The following CADPS2 variants were observed in gnomAD, a reference collection of about 807,000 sequenced individuals.
The protein encoded by CADPS2 is calcium-dependent secretion activator 2.
CADPS2 carries 93 observed loss-of-function variants against 172.5 expected under a neutral mutation model. The observed-to-expected ratio is 0.54, with a 90% confidence interval of 0.46 to 0.64. The LOEUF (loss-of-function observed/expected upper bound fraction) is 0.64. Among genes scored for constraint, CADPS2 ranks in the 30% least tolerant of loss-of-function variants. CADPS2 has a pLI of 0.00. For missense variants in CADPS2, 1,420 were observed against 1,565.9 expected (o/e 0.91, Z 1.57); for synonymous variants, 546 against 555.2 (o/e 0.98, Z 0.23).
intron 1 of CADPS2, among the ~76,000 whole-genome samples, chr7:122,856,891 T>C (rs979961793): frequency 6.6e-6 from 1 of 152,218 alleles, no homozygotes; most frequent in Admixed American, 6.5e-5. Flanking sequence ...TAGTACTATA[T>C]ATATCAGCTC....
intron 28 of CADPS2, among the ~76,000 whole-genome samples, chr7:122,337,387 A>C (rs185807495): frequency 5.9e-5 from 9 of 152,232 alleles, no homozygotes; most frequent in Non-Finnish European, 8.8e-5. Flanking sequence ...CCACGATCAC[A>C]TTTCAAGAAT....
chr7:122,364,467 C>T (rs920277560), intron 25 of CADPS2, among the ~76,000 whole-genome samples: 6 of 145,608 alleles, frequency 4.1e-5, no homozygotes, highest in African/African-American at 1.5e-4. Flanking sequence ...TGGCTCACGG[C>T]TGAAATCCCA....
intron 6 of CADPS2, among the ~76,000 whole-genome samples, chr7:122,606,907 T>C (rs1346018651): frequency 5.3e-5 from 8 of 152,212 alleles, no homozygotes; most frequent in African/African-American, 1.4e-4. Context: ...ATAGGATGTA[T>C]AATTTGGCGA....
At chr7:122,741,945 G>A (rs951071583) in intron 1 of CADPS2, among the ~76,000 whole-genome samples, 8 of 152,020 alleles carry the variant, frequency 5.3e-5, no homozygotes, top group Non-Finnish European at 7.4e-5. Flanking sequence ...TTACCAGTTC[G>A]CTCCAATATC....
chr7:122,456,462 G>T (rs2053795291), intron 14 of CADPS2, among the ~76,000 whole-genome samples: 1 of 151,932 alleles, frequency 6.6e-6, no homozygotes, highest in Non-Finnish European at 1.5e-5. Flanking sequence ...AATAAAAATA[G>T]GGTGCTCTGT....
chr7:122,823,872 CAG>C (rs1554469837), intron 1 of CADPS2, among the ~76,000 whole-genome samples: 9 of 152,130 alleles, frequency 5.9e-5, no homozygotes, highest in Non-Finnish European at 1.2e-4. Flanking sequence ...GCATCAGACT[CAG>C]GGGTTGTGCA....
chr7:122,669,058 C>CAGT (rs1185307424), intron 2 of CADPS2, among the ~76,000 whole-genome samples: 2 of 152,110 alleles, frequency 1.3e-5, no homozygotes, highest in African/African-American at 4.8e-5. Context: ...TGGCCAGGAG[C>CAGT]AGTAGCTCAC....
chr7:122,776,312 G>T (rs2093881339), intron 1 of CADPS2, among the ~76,000 whole-genome samples: 2 of 152,144 alleles, frequency 1.3e-5, no homozygotes, highest in Admixed American at 6.5e-5. Context: ...ACATGCCTTT[G>T]CTCTTCCTTC....
intron 2 of CADPS2, among the ~76,000 whole-genome samples, chr7:122,675,515 T>C (rs1444534835): frequency 2.0e-5 from 3 of 152,244 alleles, no homozygotes; most frequent in Non-Finnish European, 4.4e-5. Flanking sequence ...AGTCTATCAC[T>C]GATGGGCATT....
chr7:122,692,724 G>A (rs1019617915), intron 2 of CADPS2, among the ~76,000 whole-genome samples: 2 of 152,250 alleles, frequency 1.3e-5, no homozygotes, highest in African/African-American at 4.8e-5. Context: ...GCTGAGGTCC[G>A]AGGGGAGTGG....
chr7:122,575,994 C>G (rs1382999635), intron 7 of CADPS2, among the ~76,000 whole-genome samples: 1 of 152,132 alleles, frequency 6.6e-6, no homozygotes, highest in Non-Finnish European at 1.5e-5. Context: ...TAACTGAATT[C>G]CAGATTTTAT....
rs10634342 is a variant in CADPS2, at chr7:122,525,519, T to TTA, written c.1476-12205_1476-12204insTA. On this transcript the variant is annotated intron_variant, in intron 8 of 29. Coordinates refer to ENST00000449022, the MANE Select transcript of CADPS2 (RefSeq NM_017954.11). ...AGGCTGGAGGAACTGAGCAGTAAGATACGCTTGCTGTTAATCCAGCTCTGA... is the reference window on the plus strand; with the variant it reads ...AGGCTGGAGGAACTGAGCAGTAAGATTAACGCTTGCTGTTAATCCAGCTCTGA... Among the ~76,000 whole-genome samples, 1,075 of 152,316 alleles carry TTA rather than the reference T, an allele frequency of 7.1e-3. 12 individuals carry two copies. Among genetic ancestry groups the TTA allele is most frequent in the African/African-American group, 0.025 (1,020 of 41,580 alleles).
At chr7:122,420,067 C>T (rs2048365485) in intron 17 of CADPS2, among the ~76,000 whole-genome samples, 1 of 152,090 alleles carries the variant, frequency 6.6e-6, no homozygotes, top group African/African-American at 2.4e-5. Context: ...TGAGGTTATA[C>T]AGTTTGTTGC....
At position 122,524,321 on chromosome 7, in the gene CADPS2, T is replaced by C. The variant is rs1032806809; in HGVS notation, c.1476-11006A>G. On this transcript the variant is annotated intron_variant, in intron 8 of 29. Transcript: ENST00000449022. Reference sequence around the variant, plus strand: ...AAATATGTTAGGCCTTCATTTCCTTTTTTTTGGAAATGTAGGTATCGGTCT... The same window carrying C: ...AAATATGTTAGGCCTTCATTTCCTTCTTTTTGGAAATGTAGGTATCGGTCT... 2.0e-5 allele frequency among the ~76,000 whole-genome samples: 3 copies of C among 152,186 alleles called. No homozygotes were observed. In the East Asian group the frequency reaches 5.8e-4, roughly 29 times the overall value.
chr7:122,608,883 T>C (rs932635798), intron 6 of CADPS2, among the ~76,000 whole-genome samples: 25 of 151,970 alleles, frequency 1.6e-4, no homozygotes, highest in Non-Finnish European at 1.5e-5. Flanking sequence ...CACTTAAAAA[T>C]TTGTTAAGAG....
rs144072026 is a variant in CADPS2 at position 122,552,242 on chromosome 7, A to G, written c.1475+2308T>C. 4.8e-3 allele frequency among the ~76,000 whole-genome samples: 731 copies of G among 152,312 alleles called. 2 individuals carry two copies. The highest frequency in any genetic ancestry group is 8.0e-3 in the Non-Finnish European group (543 of 68,026). ...ACATAACACACTATCTTAGCATAACATCATCACAGATAATTTTCAGTTCTA... is the reference window on the plus strand; with the variant it reads ...ACATAACACACTATCTTAGCATAACGTCATCACAGATAATTTTCAGTTCTA... On this transcript the variant is annotated intron_variant, in intron 8 of 29. Coordinates refer to ENST00000449022, the MANE Select transcript of CADPS2 (RefSeq NM_017954.11).
At chr7:122,702,802 T>C (rs1338710123) in intron 2 of CADPS2, 4 of 1,341,416 alleles carry the variant, frequency 3.0e-6, no homozygotes, top group African/African-American at 1.5e-5. Flanking sequence ...ACAACATCAG[T>C]TGTAGAAGAA....
At chr7:122,413,972 G>A in intron 19 of CADPS2, 96 bp downstream of exon 19, 3 of 1,036,942 alleles carry the variant, frequency 2.9e-6, no homozygotes, top group Non-Finnish European at 4.3e-6. Flanking sequence ...GGACTAATTG[G>A]CTTTAAAATG....
Position 122,629,311 on chromosome 7 carries a change from T to C in CADPS2, c.804A>G (p.Glu268=), listed in dbSNP as rs903238244. ...GTTCCCTTCTGATCTGGGCTGCTTG[T>C]TCATCTGCGTTATCCAGCTTAAAAA... ...YNACQLDNAD[E]QAAQIRRELD... The change falls in exon 4 of 30, where the codon GAA becomes GAG. Residue 268 remains glutamate (E), a synonymous_variant. Coordinates refer to ENST00000449022, the MANE Select transcript of CADPS2 (RefSeq NM_017954.11). The C allele has an allele frequency of 6.2e-7, 1 of 1,608,864 alleles. No individual in the cohort carries two copies. The highest frequency in any genetic ancestry group is 8.5e-7 in the Non-Finnish European group (1 of 1,177,482).
Sources: gnomAD v4.1 joint callset for allele counts (sites outside exome capture counted in the v4.1 genomes callset) on GRCh38, gnomAD v4.1.1 for gene constraint, MANE v1.5 for transcripts, NCBI Gene and HGNC (gene_info 2026-07-23, HGNC 2026-07-21) for gene names.